Variants in TRIM66 observed in about 807,000 individuals in gnomAD.
TRIM66 encodes the protein tripartite motif-containing protein 66.
In TRIM66, 99 loss-of-function variants were observed where a neutral mutation model predicts 148.2. That is an observed-to-expected ratio of 0.67 (90% CI 0.57 to 0.79). TRIM66 has a LOEUF of 0.79. Ranked by LOEUF, TRIM66 falls within the 30% of genes least tolerant of loss-of-function variation. The pLI is 0.00. For missense variants in TRIM66, 1,666 were observed against 1,697.9 expected (o/e 0.98, Z 0.33); for synonymous variants, 616 against 635.9 (o/e 0.97, Z 0.47).
intron 6 of TRIM66, among the ~76,000 whole-genome samples, chr11:8,655,660 T>C (rs940908625): frequency 1.3e-5 from 2 of 152,184 alleles, no homozygotes; most frequent in African/African-American, 4.8e-5. Flanking sequence ...GTGGGCACCC[T>C]GTAATCCCAG....
rs761122592 is a variant in TRIM66, at chr11:8,648,449, T to C, written c.692A>G (p.His231Arg). 2.9e-5 allele frequency: 45 copies of C among 1,551,604 alleles called. 1 individual carries two copies. In the South Asian group the frequency reaches 3.8e-4, roughly 13 times the overall value. The change falls in exon 9 of 25, where the codon CAT becomes CGT. Residue 231 changes from histidine to arginine, a missense_variant. His to Arg is a conservative substitution (Grantham distance 29). Transcript: ENST00000646038. ...TTTGTGTTCCACCACTAGGCAGCTATGGCAAGTGAGCATATCACATGTCTC... is the reference window on the plus strand; with the variant it reads ...TTTGTGTTCCACCACTAGGCAGCTACGGCAAGTGAGCATATCACATGTCTC... ...FCETCDMLTC[H>R]SCLVVEHKEH...
Position 8,617,737 on chromosome 11 carries a change from C to G in TRIM66, c.*207G>C. The G allele has an allele frequency of 1.8e-6, 1 of 555,166 alleles. No homozygotes were observed. The highest frequency in any genetic ancestry group is 3.2e-6 in the Non-Finnish European group (1 of 311,730). The allele number at this position is 555,166 out of a possible 1,614,324, so 34.4% of individuals were successfully genotyped here. A position where few individuals can be genotyped will look rare whatever the true frequency, so the allele number is the denominator to read the frequency against. Reference sequence around the variant, plus strand: ...GGTAATAATAAATACCTTCCTCTTTCCTGTTTATTACTGAAATCTTCTCTG... The same window carrying G: ...GGTAATAATAAATACCTTCCTCTTTGCTGTTTATTACTGAAATCTTCTCTG... On this transcript the variant is annotated 3_prime_UTR_variant, in exon 25 of 25. Transcript: ENST00000646038.
intron 8 of TRIM66, among the ~76,000 whole-genome samples, chr11:8,649,103 C>A (rs1007262254): frequency 5.9e-5 from 9 of 152,216 alleles, no homozygotes; most frequent in African/African-American, 1.4e-4. Flanking sequence ...CTTTGGGAGG[C>A]CAAGGTGGGC....
At chr11:8,670,360 A>T (rs998119354) in intron 6 of TRIM66, among the ~76,000 whole-genome samples, 1 of 152,086 alleles carries the variant, frequency 6.6e-6, no homozygotes, top group African/African-American at 2.4e-5. Flanking sequence ...TCCACCCTCA[A>T]GCAGGTCCCA....
chr11:8,679,583 T>C (rs1245646747), intron 3 of TRIM66, 37 bp downstream of exon 3: 2 of 152,876 alleles, frequency 1.3e-5, no homozygotes, highest in Non-Finnish European at 2.9e-5. Context: ...ATACCACTGA[T>C]GGTTCCCTTT....
intron 3 of TRIM66, among the ~76,000 whole-genome samples, chr11:8,676,775 G>A (rs1054973369): frequency 1.3e-5 from 2 of 152,138 alleles, no homozygotes; most frequent in African/African-American, 4.8e-5. Flanking sequence ...CCCTGACCTA[G>A]AAGAGTGTAG....
chr11:8,666,375 T>C (rs1019923710), intron 6 of TRIM66, among the ~76,000 whole-genome samples: 2 of 132,528 alleles, frequency 1.5e-5, no homozygotes, highest in African/African-American at 2.9e-5. Context: ...AAAAAGAATA[T>C]AAGATGCCAC....
rs1313812279 is a variant in TRIM66 at position 8,624,736 on chromosome 11, A to C, written c.2803T>G (p.Ser935Ala). 6.5e-7 allele frequency: 1 copy of C among 1,535,436 alleles called. No homozygotes were observed. Among genetic ancestry groups the C allele is most frequent in the African/African-American group, 1.4e-5 (1 of 72,810 alleles). Reference sequence around the variant, plus strand: ...ACCTTACACAGAGCATTCTCCAGGGAGGGATCAGCCCCATCTCTGGGACAC... The same window carrying C: ...ACCTTACACAGAGCATTCTCCAGGGCGGGATCAGCCCCATCTCTGGGACAC... Reference protein sequence around the residue: ...SLCPRDGADPSLENALCKMES... With the variant: ...SLCPRDGADPALENALCKMES... The change falls in exon 16 of 25, where the codon TCC becomes GCC. Residue 935 changes from serine to alanine, a missense_variant. By Grantham distance (99) the Ser-to-Ala change is moderately conservative. This residue lies in a region of TRIM66 where 1,431 missense variants were observed against 1,412.4 expected (regional missense o/e 1.01). Transcript: ENST00000646038.
chr11:8,671,831 G>C lies in TRIM66; in HGVS notation c.295C>G (p.Gln99Glu), dbSNP rs1400015518. Reference protein sequence around the residue: ...LRKDCFQGLIQELGQIAKAHE... With the variant: ...LRKDCFQGLIEELGQIAKAHE... Reference sequence around the variant, plus strand: ...GCCTTGGCAATCTGCCCTAGCTCCTGTATCAAGCCCTGGAAGCAGTCCTTA... The same window carrying C: ...GCCTTGGCAATCTGCCCTAGCTCCTCTATCAAGCCCTGGAAGCAGTCCTTA... Residue 99 changes from glutamine (Q) to glutamate (E), a missense_variant, in exon 6 of 25, where the codon CAG becomes GAG. By Grantham distance (29) the Gln-to-Glu change is conservative. Around this residue, in one of 3 missense-constraint regions of TRIM66, gnomAD observed 1,431 missense variants for 1,412.4 expected, o/e 1.01. Transcript: ENST00000646038. 3.9e-6 allele frequency: 6 copies of C among 1,526,338 alleles called. No homozygotes were observed. The highest frequency in any genetic ancestry group is 1.7e-4 in the Middle Eastern group (1 of 5,994). The allele number at this position is 1,526,338 out of a possible 1,614,324, so 94.5% of individuals were successfully genotyped here. A position where few individuals can be genotyped will look rare whatever the true frequency, so the allele number is the denominator to read the frequency against.
intron 15 of TRIM66, among the ~76,000 whole-genome samples, chr11:8,628,442 G>A (rs549690845): frequency 3.3e-5 from 5 of 151,686 alleles, no homozygotes; most frequent in East Asian, 1.9e-4. Context: ...GTGAAACCCC[G>A]TCTCCACAAA....
chr11:8,666,158 G>A (rs4495896), intron 6 of TRIM66, among the ~76,000 whole-genome samples: 49,894 of 150,098 alleles, frequency 0.33, 8,681 homozygotes, highest in East Asian at 0.59. Flanking sequence ...CCAATATGGC[G>A]AAACCCCATC....
intron 6 of TRIM66, among the ~76,000 whole-genome samples, chr11:8,661,857 A>G (rs2038279919): frequency 1.3e-5 from 2 of 152,152 alleles, no homozygotes; most frequent in African/African-American, 4.8e-5. Flanking sequence ...CCATCCATCA[A>G]TCACAGCCAT....
chr11:8,648,663 G>A (rs760031632), intron 8 of TRIM66, 115 bp from the exon 9 acceptor site: 261 of 1,287,064 alleles, frequency 2.0e-4, no homozygotes, highest in Non-Finnish European at 2.5e-4. Context: ...TACAGAGCTC[G>A]GGGGAAGTGT....
chr11:8,683,104 G>C (rs2039520233), upstream of TRIM66: 1 of 1,288,698 alleles, frequency 7.8e-7, no homozygotes, highest in South Asian at 1.2e-5. Flanking sequence ...CCAGAAGTTA[G>C]GTCTTTGACC....
chr11:8,639,170 C>T (rs2036155436), intron 14 of TRIM66, among the ~76,000 whole-genome samples: 1 of 152,162 alleles, frequency 6.6e-6, no homozygotes, highest in South Asian at 2.1e-4. Flanking sequence ...CTCAAAAGAA[C>T]TGGGCCTCAG....
At chr11:8,645,676 T>C in intron 12 of TRIM66, 65 bp downstream of exon 12, 2 of 1,537,570 alleles carry the variant, frequency 1.3e-6, no homozygotes, top group South Asian at 1.2e-5. Context: ...TCATTGCCCC[T>C]CTGACAAAGG....
intron 3 of TRIM66, among the ~76,000 whole-genome samples, chr11:8,675,895 C>T (rs1004105135): frequency 6.6e-6 from 1 of 152,106 alleles, no homozygotes; most frequent in Non-Finnish European, 1.5e-5. Flanking sequence ...TGCACCACTA[C>T]GCCCAGCTAA....
At chr11:8,670,076 G>A (rs548138646) in intron 6 of TRIM66, among the ~76,000 whole-genome samples, 12 of 149,348 alleles carry the variant, frequency 8.0e-5, no homozygotes, top group Non-Finnish European at 1.3e-4. Flanking sequence ...GCAGTGGTGC[G>A]ATCTTGGCTC....
At chr11:8,643,606 T>C (rs2036594526) in intron 12 of TRIM66, among the ~76,000 whole-genome samples, 1 of 152,152 alleles carries the variant, frequency 6.6e-6, no homozygotes, top group Admixed American at 6.5e-5. Flanking sequence ...CCTCCCAAAG[T>C]GCTGGAATTA....
Sources: gnomAD v4.1 joint callset for allele counts (sites outside exome capture counted in the v4.1 genomes callset) on GRCh38, gnomAD v4.1.1 for gene constraint, gnomAD v4.1.1 regional missense constraint, MANE v1.5 for transcripts, NCBI Gene and HGNC (gene_info 2026-07-23, HGNC 2026-07-21) for gene names.